SGCD: variants seen among roughly 807,000 people sequenced by gnomAD.
SGCD encodes the protein sarcoglycan delta, also known as delta-sarcoglycan.
SGCD carries 18 observed loss-of-function variants against 36.6 expected under a neutral mutation model. That is an observed-to-expected ratio of 0.49 (90% CI 0.34 to 0.73). The LOEUF is 0.73. Among genes scored for constraint, SGCD ranks in the 30% least tolerant of loss-of-function variants. The pLI is 0.01. For synonymous variants in SGCD, 133 were observed against 130.6 expected, an observed-to-expected ratio of 1.02 and a Z score of -0.12; for missense variants, 387 against 346.7, an observed-to-expected ratio of 1.12 and a Z score of -0.92.
chr5:156,193,195 G>A (rs1763935488), intron 3 of SGCD, among the ~76,000 whole-genome samples: 1 of 152,072 alleles, frequency 6.6e-6, no homozygotes, highest in Non-Finnish European at 1.5e-5. Flanking sequence ...CTGAAGAAGA[G>A]CAGCTGGACT....
chr5:155,936,019 T>C (rs1580999256), intron 1 of SGCD, among the ~76,000 whole-genome samples: 1 of 152,090 alleles, frequency 6.6e-6, no homozygotes. Flanking sequence ...GCAGCTTCCA[T>C]GGCTGACACC....
chr5:155,860,505 A>G, the SGCD span, among the ~76,000 whole-genome samples: 1 of 152,212 alleles, frequency 6.6e-6, no homozygotes, highest in South Asian at 2.1e-4. Context: ...TAGCCACTGG[A>G]CAACCATATC....
chr5:156,741,872 G>GT (rs79808158), intron 7 of SGCD, among the ~76,000 whole-genome samples: 2,198 of 144,522 alleles, frequency 0.015, 13 homozygotes, highest in African/African-American at 0.019. Flanking sequence ...ATGTTTTCAG[G>GT]TTTTTTTTTT....
At chr5:156,323,547 G>T (rs926145020), upstream of SGCD, among the ~76,000 whole-genome samples, 1 of 143,354 alleles carries the variant, frequency 7.0e-6, no homozygotes, top group African/African-American at 2.6e-5. Flanking sequence ...CTAGACATTG[G>T]AAAAATGGCA....
At chr5:156,605,506 A>C (rs1011885559) in intron 6 of SGCD, among the ~76,000 whole-genome samples, 3 of 152,208 alleles carry the variant, frequency 2.0e-5, no homozygotes, top group Admixed American at 6.5e-5. Flanking sequence ...CTGCAATAAA[A>C]ATACGTCTGC....
At chr5:156,091,948 G>T (rs186864933) in intron 1 of SGCD, among the ~76,000 whole-genome samples, 1 of 152,362 alleles carries the variant, frequency 6.6e-6, no homozygotes, top group East Asian at 1.9e-4. Flanking sequence ...GCTATGAGTT[G>T]CAGGGTGTCT....
At chr5:156,517,255 A>G (rs945677419) in intron 4 of SGCD, among the ~76,000 whole-genome samples, 7 of 152,208 alleles carry the variant, frequency 4.6e-5, no homozygotes, top group Admixed American at 3.9e-4. Context: ...CCTGAAGACT[A>G]TCTTACTGAA....
At chr5:155,993,024 G>A (rs752387298) in intron 1 of SGCD, among the ~76,000 whole-genome samples, 4 of 152,106 alleles carry the variant, frequency 2.6e-5, no homozygotes, top group Middle Eastern at 3.2e-3. Flanking sequence ...CCCAAGGCCA[G>A]GATCTAAATA....
chr5:155,983,126 T>C (rs1250142124), intron 1 of SGCD, among the ~76,000 whole-genome samples: 1 of 152,234 alleles, frequency 6.6e-6, no homozygotes, highest in Non-Finnish European at 1.5e-5. Flanking sequence ...ACAGGGAATA[T>C]AGATCAATAA....
chr5:156,108,555 A>G (rs1761706851), intron 1 of SGCD, among the ~76,000 whole-genome samples: 1 of 152,194 alleles, frequency 6.6e-6, no homozygotes, highest in African/African-American at 2.4e-5. Flanking sequence ...TATCAAATAT[A>G]TGGAATATAT....
chr5:156,606,922 C>T (rs1302325652), intron 6 of SGCD, among the ~76,000 whole-genome samples: 4 of 152,092 alleles, frequency 2.6e-5, no homozygotes, highest in African/African-American at 4.8e-5. Flanking sequence ...CTGAATTTGC[C>T]TATCAGCTTA....
chr5:156,009,332 C>T (rs752061688), intron 1 of SGCD, among the ~76,000 whole-genome samples: 1 of 152,178 alleles, frequency 6.6e-6, no homozygotes, highest in African/African-American at 2.4e-5. Context: ...CTTAATTCTC[C>T]AATCCCCACA....
chr5:155,891,558 C>CTTT (rs372399423), intron 1 of SGCD, among the ~76,000 whole-genome samples: 1,014 of 60,750 alleles, frequency 0.017, 113 homozygotes, highest in African/African-American at 0.062. Flanking sequence ...AATAAATACT[C>CTTT]TTTTTTTTTT....
At chr5:156,494,777 A>AG (rs1424530223) in intron 3 of SGCD, among the ~76,000 whole-genome samples, 1 of 151,942 alleles carries the variant, frequency 6.6e-6, no homozygotes, top group African/African-American at 2.4e-5. Context: ...CCTTGTGTAG[A>AG]GGGGGTGTGA....
At chr5:155,817,389 A>G in the SGCD span, among the ~76,000 whole-genome samples, 3 of 151,672 alleles carry the variant, frequency 2.0e-5, no homozygotes, top group South Asian at 6.3e-4. Flanking sequence ...CTAGCAAGGT[A>G]TCTAGGAGCC....
intron 1 of SGCD, among the ~76,000 whole-genome samples, chr5:155,897,384 G>T (rs1432124572): frequency 6.6e-6 from 1 of 152,196 alleles, no homozygotes; most frequent in South Asian, 2.1e-4. Flanking sequence ...GTTAGTGAGT[G>T]CTGAGTGAAT....
chr5:156,645,774 T>G (rs1382530857), intron 6 of SGCD, among the ~76,000 whole-genome samples: 1 of 152,158 alleles, frequency 6.6e-6, no homozygotes, highest in Non-Finnish European at 1.5e-5. Flanking sequence ...ATAGGGTTAT[T>G]CTGGTGATCA....
chr5:156,332,323 T>A (rs1020109744), intron 2 of SGCD, among the ~76,000 whole-genome samples: 3 of 152,226 alleles, frequency 2.0e-5, no homozygotes, highest in Non-Finnish European at 4.4e-5. Context: ...TAAGATATCA[T>A]AATGTTGATC....
At chr5:156,536,144 C>T (rs1249217213) in intron 4 of SGCD, among the ~76,000 whole-genome samples, 5 of 152,036 alleles carry the variant, frequency 3.3e-5, no homozygotes, top group Non-Finnish European at 7.4e-5. Context: ...TCTACCACTA[C>T]TTTTTGAGAT....
Sources: allele counts gnomAD v4.1 joint callset (sites outside exome capture counted in the v4.1 genomes callset), GRCh38; gene constraint gnomAD v4.1.1; transcripts MANE v1.5; gene names NCBI Gene and HGNC (gene_info 2026-07-23, HGNC 2026-07-21).